The following RPUSD4 variants were observed in gnomAD, a reference collection of about 807,000 sequenced individuals.
RPUSD4 encodes RNA pseudouridine synthase D4.
A neutral mutation model predicts 35.4 loss-of-function variants in RPUSD4; 37 were observed. The observed-to-expected ratio is 1.04, with a 90% CI of 0.80 to 1.37. The LOEUF is 1.37. Among genes scored for constraint, RPUSD4 ranks in the 40% most tolerant of loss-of-function variants. The pLI is 0.00. For synonymous variants in RPUSD4, 210 were observed against 192.7 expected, an observed-to-expected ratio of 1.09 and a Z score of -0.74; for missense variants, 507 against 484.9, an observed-to-expected ratio of 1.05 and a Z score of -0.43.
rs1949764926 is a variant in RPUSD4, at chr11:126,205,607, T to C, written c.657A>G (p.Thr219=). ...AQGQQQHHKM[T]LSPSYRMDDG... is the part of the protein sequence containing the mutation. ...CGTCCATGCGGTAGCTCGGGGACAATGTCATCTGAAGCCAAAGAAATCAAG... is the reference window on the plus strand; with the variant it reads ...CGTCCATGCGGTAGCTCGGGGACAACGTCATCTGAAGCCAAAGAAATCAAG... The change falls in exon 5 of 7, where the codon ACA becomes ACG. Residue 219 remains threonine, a synonymous_variant. Coordinates refer to ENST00000298317, the MANE Select transcript of RPUSD4 (RefSeq NM_032795.3). The C allele has an allele frequency of 5.0e-6, 8 of 1,614,064 alleles. No individual in the cohort carries two copies. The highest frequency in any genetic ancestry group is 5.9e-6 in the Non-Finnish European group (7 of 1,179,988).
At chr11:126,207,875 AAAT>A (rs1423849859) in intron 3 of RPUSD4, among the ~76,000 whole-genome samples, 3 of 152,272 alleles carry the variant, frequency 2.0e-5, no homozygotes, top group East Asian at 1.9e-4. Context: ...AAATAAAAAA[AAAT>A]AATAATAATA....
At chr11:126,204,720 G>A (rs911147768) in intron 5 of RPUSD4, among the ~76,000 whole-genome samples, 1 of 152,190 alleles carries the variant, frequency 6.6e-6, no homozygotes, top group African/African-American at 2.4e-5. Flanking sequence ...TATACTAAAT[G>A]CCAAGTCAGT....
At chr11:126,211,407 T>C in intron 1 of RPUSD4, 43 bp downstream of exon 1, 1 of 1,549,870 alleles carries the variant, frequency 6.5e-7, no homozygotes, top group South Asian at 1.2e-5. Flanking sequence ...GGGAAACCAA[T>C]GAGCGCACTG....
chr11:126,207,665 C>G (rs1949786615), intron 3 of RPUSD4, among the ~76,000 whole-genome samples: 1 of 152,316 alleles, frequency 6.6e-6, no homozygotes, highest in South Asian at 2.1e-4. Flanking sequence ...GCCTGGCCAA[C>G]AGGCTGAAAC....
chr11:126,203,521 T>C lies in RPUSD4; in HGVS notation c.1031A>G (p.Lys344Arg). 1.2e-6 allele frequency: 2 copies of C among 1,614,186 alleles called. No individual in the cohort carries two copies. Among genetic ancestry groups the C allele is most frequent in the Non-Finnish European group, 1.7e-6 (2 of 1,180,030 alleles). Reference sequence around the variant, plus strand: ...GGAATGCACAAAGAAGCGAGGAAGTTTGCAGACCAAGTTGAGTTCCTCCTT... The same window carrying C: ...GGAATGCACAAAGAAGCGAGGAAGTCTGCAGACCAAGTTGAGTTCCTCCTT... ...SGKEELNLVC[K>R]LPRFFVHSLH... The change falls in exon 7 of 7, where the codon AAA (lysine) becomes AGA (arginine). Residue 344 changes from lysine to arginine, a missense_variant. Physicochemically the swap from Lys to Arg is conservative, Grantham distance 26. Transcript: ENST00000298317.
intron 5 of RPUSD4, among the ~76,000 whole-genome samples, chr11:126,204,874 T>C (rs1470322608): frequency 6.6e-6 from 1 of 152,214 alleles, no homozygotes; most frequent in Admixed American, 6.5e-5. Flanking sequence ...CCTAAGATTT[T>C]GGCAACCACC....
At chr11:126,204,043 CAG>C (rs761535068) in intron 6 of RPUSD4, among the ~76,000 whole-genome samples, 186 bp downstream of exon 6, 10 of 152,210 alleles carry the variant, frequency 6.6e-5, no homozygotes, top group Non-Finnish European at 1.5e-4. Context: ...TTTTCACTAA[CAG>C]ATCCTGCAGT....
In RPUSD4 at chr11:126,205,748, T is replaced by G. The variant is rs768503974; in HGVS notation, c.591A>C (p.Ala197=). 3.1e-6 allele frequency: 5 copies of G among 1,612,338 alleles called. No individual in the cohort carries two copies. In the African/African-American group the frequency reaches 6.7e-5, roughly 22 times the overall value. ...CCACAATGGGGATGTCCACGACTCC[T>G]GCTGAGGGCATGGGGACATGCACAG... The part of the protein sequence containing the change: ...AITVHVPMPS[A]GVVDIPIVEK... The change falls in exon 4 of 7, where the codon GCA becomes GCC. Residue 197 remains alanine (A), a synonymous_variant. Transcript: ENST00000298317.
In RPUSD4 at chr11:126,210,543, ACACACACC is replaced by A. The variant is rs1011227176; in HGVS notation, c.355+339_355+346del. On this transcript the variant is annotated intron_variant, in intron 2 of 6. Transcript: ENST00000298317. ...CATACACACACACACACACACACACACACACACCCCCTTTTTTCTTATGTATCATTTTC... is the reference window on the plus strand; with the variant it reads ...CATACACACACACACACACACACACACCCTTTTTTCTTATGTATCATTTTC... Among the ~76,000 whole-genome samples the A allele has an allele frequency of 1.2e-4, 18 of 147,566 alleles. No individual in the cohort carries two copies. In the East Asian group the frequency reaches 1.6e-3, roughly 13 times the overall value.
chr11:126,211,013 GC>G lies in RPUSD4; in HGVS notation c.231del (p.Arg78GlyfsTer18). The part of the protein sequence containing the change: ...NAVQRRVQEI[V>X]RFTRQLQRVH... Reference sequence around the variant, plus strand: ...ACTCGCTGCAGCTGCCGTGTGAACCGCACTATTTCTTGCACTCTCCGCTGAA... The same window carrying G: ...ACTCGCTGCAGCTGCCGTGTGAACCGACTATTTCTTGCACTCTCCGCTGAA... On this transcript the variant is annotated frameshift_variant, in exon 2 of 7. Coordinates refer to ENST00000298317, the MANE Select transcript of RPUSD4 (RefSeq NM_032795.3). LOFTEE classifies it high-confidence loss of function. 4 of 1,614,050 alleles carry G rather than the reference GC, an allele frequency of 2.5e-6. No homozygotes were observed. Among genetic ancestry groups the G allele is most frequent in the Non-Finnish European group, 3.4e-6 (4 of 1,180,020 alleles).
Position 126,210,981 on chromosome 11 carries a change from GGGGT to G in RPUSD4, c.260_263del (p.His87ProfsTer8). 1 of 1,614,126 alleles carries G rather than the reference GGGGT, an allele frequency of 6.2e-7. No individual in the cohort carries two copies. The highest frequency in any genetic ancestry group is 1.1e-5 in the South Asian group (1 of 91,080). On this transcript the variant is annotated frameshift_variant, in exon 2 of 7. Transcript: ENST00000298317. LOFTEE classifies it high-confidence loss of function. ...GGGTCAGTGCCTTAGCAAGCACGTT[GGGGT>G]GGACTCGCTGCAGCTGCCGTGTGAA... is the stretch of plus-strand genomic sequence containing the variant.
rs778137372 is a variant in RPUSD4, at chr11:126,210,880, T to A, written c.355+10A>T. 1.2e-6 allele frequency: 2 copies of A among 1,610,902 alleles called. No homozygotes were observed. The highest frequency in any genetic ancestry group is 4.5e-5 in the East Asian group (2 of 44,828). On this transcript the variant is annotated intron_variant, in intron 2 of 6. Coordinates refer to ENST00000298317, the MANE Select transcript of RPUSD4 (RefSeq NM_032795.3). ...TGCAGGTTCCTCCACCTTTCCCGCG[T>A]GGTCCTTACCATGCACAGGGAGACC...
At chr11:126,210,520 T>C (rs10909380) in intron 2 of RPUSD4, among the ~76,000 whole-genome samples, 750 of 60,268 alleles carry the variant, frequency 0.012, 7 homozygotes, top group African/African-American at 0.04. Flanking sequence ...CCAACATACA[T>C]ACACACACAC....
chr11:126,211,056 C>T lies in RPUSD4; in HGVS notation c.190-1G>A. On this transcript the variant is annotated splice_acceptor_variant, in intron 1 of 6. Coordinates refer to ENST00000298317, the MANE Select transcript of RPUSD4 (RefSeq NM_032795.3). LOFTEE classifies it high-confidence loss of function. ...TCCGCTGAACAGCGTTTGTGGACAC[C>T]TAGGGAGAAAGAAGGAGCCGTGGGG... The T allele has an allele frequency of 2.5e-6, 4 of 1,611,068 alleles. No homozygotes were observed. The highest frequency in any genetic ancestry group is 3.4e-6 in the Non-Finnish European group (4 of 1,179,676).
intron 1 of RPUSD4, 39 bp downstream of exon 1, chr11:126,211,411 C>G: frequency 6.4e-7 from 1 of 1,555,802 alleles, no homozygotes; most frequent in South Asian, 1.2e-5. Flanking sequence ...AACCAATGAG[C>G]GCACTGCCTC....
Position 126,203,435 on chromosome 11 carries a change from A to T in RPUSD4, c.1117T>A (p.Cys373Ser), listed in dbSNP as rs778301500. The T allele has an allele frequency of 6.2e-7, 1 of 1,613,594 alleles. No homozygotes were observed. The highest frequency in any genetic ancestry group is 1.7e-5 in the Admixed American group (1 of 60,024). ...EDQNENNEAKCLGAQ is the reference protein window; with the variant it reads ...EDQNENNEAKSLGAQ ...CATGGTCTTCACTGTGCTCCCAGAC[A>T]CTTGGCTTCATTGTTCTCATTTTGA... The change falls in exon 7 of 7, where the codon TGT (cysteine) becomes AGT (serine). Residue 373 changes from cysteine to serine, a missense_variant. Physicochemically the swap from Cys to Ser is moderately radical, Grantham distance 112. Coordinates refer to ENST00000298317, the MANE Select transcript of RPUSD4 (RefSeq NM_032795.3).
chr11:126,211,419 C>T (rs1458242000), intron 1 of RPUSD4, 31 bp downstream of exon 1: 2 of 1,587,952 alleles, frequency 1.3e-6, no homozygotes, highest in Non-Finnish European at 1.7e-6. Flanking sequence ...AGCGCACTGC[C>T]TCTAGGGAGT....
In RPUSD4 at chr11:126,209,681, T is replaced by C. The variant is rs767241439; in HGVS notation, c.397A>G (p.Ile133Val). 8 of 1,614,046 alleles carry C rather than the reference T, an allele frequency of 5.0e-6. No individual in the cohort carries two copies. Among genetic ancestry groups the C allele is most frequent in the East Asian group, 2.2e-5 (1 of 44,902 alleles). ...TGGCCATGAAGCATCTTTGCCAGGA[T>C]AGGTAGTACATCAGTGATGCAGAGC... ...VQLCITDVLP[I>V]LAKMLHGHKA... Residue 133 changes from isoleucine to valine, a missense_variant, in exon 3 of 7, where the codon ATC becomes GTC. Transcript: ENST00000298317.
chr11:126,211,346 T>A (rs901117821), intron 1 of RPUSD4, 104 bp downstream of exon 1: 58 of 1,279,564 alleles, frequency 4.5e-5, no homozygotes, highest in South Asian at 2.6e-4. Flanking sequence ...GCGTCCGGGC[T>A]ATTGACTCAC....
Sources: gnomAD v4.1 joint callset for allele counts (sites outside exome capture counted in the v4.1 genomes callset) on GRCh38, gnomAD v4.1.1 for gene constraint, MANE v1.5 for transcripts, NCBI Gene and HGNC (gene_info 2026-07-23, HGNC 2026-07-21) for gene names.